Variants in SRPK2 observed in about 807,000 individuals in gnomAD.
SRPK2 encodes SFRS protein kinase 2.
SRPK2 carries 21 observed loss-of-function variants against 90.8 expected under a neutral mutation model. That is an observed-to-expected ratio of 0.23 (90% confidence interval 0.16 to 0.33). The LOEUF (loss-of-function observed/expected upper bound fraction) is 0.33, where lower values mean the gene tolerates loss of function less well. Among genes scored for constraint, SRPK2 ranks in the 10% least tolerant of loss-of-function variants. The pLI is 1.00. For missense variants in SRPK2, 620 were observed against 869.0 expected, an observed-to-expected ratio of 0.71 and a Z score of 3.60; for synonymous variants, 288 against 311.1, an observed-to-expected ratio of 0.93 and a Z score of 0.78.
intron 11 of SRPK2, among the ~76,000 whole-genome samples, chr7:105,140,174 C>T (rs1236038915): frequency 6.6e-6 from 1 of 152,178 alleles, no homozygotes; most frequent in African/African-American, 2.4e-5. Context: ...TCCCCTCCAA[C>T]TATTTCCCAC....
At chr7:105,128,170 T>TA (rs1801476178) in intron 13 of SRPK2, among the ~76,000 whole-genome samples, 2 of 152,024 alleles carry the variant, frequency 1.3e-5, no homozygotes, top group East Asian at 1.9e-4. Flanking sequence ...TTCACCTTTT[T>TA]TAAAAAAAAA....
chr7:105,261,580 T>C (rs1353095904), intron 2 of SRPK2, among the ~76,000 whole-genome samples: 3 of 151,974 alleles, frequency 2.0e-5, no homozygotes, highest in Non-Finnish European at 2.9e-5. Flanking sequence ...CCTTGACAGT[T>C]TGTAACAAAA....
At chr7:105,398,166 A>G (rs1050478671) in intron 1 of SRPK2, among the ~76,000 whole-genome samples, 1 of 152,158 alleles carries the variant, frequency 6.6e-6, no homozygotes, top group African/African-American at 2.4e-5. Flanking sequence ...ATCTGTTACA[A>G]TGAAACTCAA....
chr7:105,290,197 C>CAAAAAAAAAAAAAAAAA (rs56311004), intron 2 of SRPK2, among the ~76,000 whole-genome samples: 1 of 133,830 alleles, frequency 7.5e-6, no homozygotes. Context: ...ACAGGCTCTT[C>CAAAAAAAAAAAAAAAAA]AAAAAAAAAA....
At chr7:105,395,265 G>A (rs1822290805) in intron 1 of SRPK2, among the ~76,000 whole-genome samples, 1 of 151,948 alleles carries the variant, frequency 6.6e-6, no homozygotes, top group Non-Finnish European at 1.5e-5. Context: ...CAAAGCAAGA[G>A]GATTGCTTGA....
At chr7:105,355,836 T>C (rs1817721737) in intron 2 of SRPK2, among the ~76,000 whole-genome samples, 1 of 151,758 alleles carries the variant, frequency 6.6e-6, no homozygotes, top group African/African-American at 2.4e-5. Context: ...TCCCTTGAGG[T>C]CAGGAGTTTT....
intron 7 of SRPK2, among the ~76,000 whole-genome samples, chr7:105,156,680 G>C (rs1806546071): frequency 6.6e-6 from 1 of 151,982 alleles, no homozygotes; most frequent in Admixed American, 6.6e-5. Context: ...TTTAAATTTT[G>C]TTTGGTAGAG....
Position 105,133,048 on chromosome 7 carries a change from T to C in SRPK2, c.1600A>G (p.Lys534Glu). Residue 534 changes from lysine (K) to glutamate (E), a missense_variant, in exon 12 of 16, where the codon AAA (lysine) becomes GAA (glutamate). Around this residue, in one of 8 missense-constraint regions of SRPK2, gnomAD observed 20 missense variants for 54.3 expected, o/e 0.37. Coordinates refer to ENST00000393651, the MANE Select transcript of SRPK2 (RefSeq NM_182692.3). ...VNPLDPRNAD[K>E]IRVKIADLGN... is the part of the protein sequence containing the mutation. ...AGGTCAGCAATTTTTACTCTAATTT[T>C]ATCTGCATTCCGCGGATCCAGGGGA... The C allele has an allele frequency of 6.2e-7, 1 of 1,614,220 alleles. No individual in the cohort carries two copies. Among genetic ancestry groups the C allele is most frequent in the Non-Finnish European group, 8.5e-7 (1 of 1,180,030 alleles).
At chr7:105,326,550 A>G (rs960098382) in intron 2 of SRPK2, among the ~76,000 whole-genome samples, 2 of 152,176 alleles carry the variant, frequency 1.3e-5, no homozygotes, top group Admixed American at 6.5e-5. Context: ...AATACTATCA[A>G]TTATGCCATT....
At chr7:105,138,155 A>G (rs899540406) in intron 11 of SRPK2, among the ~76,000 whole-genome samples, 2 of 152,242 alleles carry the variant, frequency 1.3e-5, no homozygotes, top group Non-Finnish European at 2.9e-5. Context: ...AGCGGGAGAA[A>G]GGAAAGAGAA....
At chr7:105,129,660 T>C (rs1801722623) in intron 13 of SRPK2, among the ~76,000 whole-genome samples, 1 of 152,160 alleles carries the variant, frequency 6.6e-6, no homozygotes. Flanking sequence ...CAGGTGTGCA[T>C]CACCTCGCTG....
intron 2 of SRPK2, among the ~76,000 whole-genome samples, chr7:105,208,776 T>C (rs1338628538): frequency 6.6e-6 from 1 of 152,194 alleles, no homozygotes; most frequent in Non-Finnish European, 1.5e-5. Flanking sequence ...ATATATATGT[T>C]ACATGAGCAA....
chr7:105,281,667 GTAAAAA>G (rs1017591602), intron 2 of SRPK2, among the ~76,000 whole-genome samples: 1 of 107,030 alleles, frequency 9.3e-6, no homozygotes, highest in Non-Finnish European at 2.0e-5. Flanking sequence ...TGTTGCTAAG[GTAAAAA>G]AAAAAAAAAG....
chr7:105,345,800 C>T (rs898695589), intron 2 of SRPK2, among the ~76,000 whole-genome samples: 5 of 152,320 alleles, frequency 3.3e-5, no homozygotes, highest in South Asian at 4.1e-4. Flanking sequence ...TAGCCATCAG[C>T]CCCATGTAGC....
intron 2 of SRPK2, among the ~76,000 whole-genome samples, chr7:105,289,787 G>T (rs1226342520): frequency 6.6e-6 from 1 of 151,938 alleles, no homozygotes; most frequent in African/African-American, 2.4e-5. Context: ...GTCATAAGAG[G>T]TCTAGCTTTC....
Position 105,277,227 on chromosome 7 carries a change from C to T in SRPK2, c.72-73442G>A, listed in dbSNP as rs544631958. On this transcript the variant is annotated intron_variant, in intron 2 of 15. Transcript: ENST00000393651. ...GAGTAGCTGGGACTACAGGCGCCCA[C>T]TACCACGTCCGGCTAATTTTTTGTA... is the stretch of plus-strand genomic sequence containing the variant. 1.2e-3 allele frequency among the ~76,000 whole-genome samples: 180 copies of T among 152,216 alleles called. 1 individual carries two copies. The highest frequency in any genetic ancestry group is 4.2e-3 in the African/African-American group (173 of 41,530).
At chr7:105,143,400 G>T in intron 9 of SRPK2, 70 bp from the exon 10 acceptor site, 1 of 1,541,408 alleles carries the variant, frequency 6.5e-7, no homozygotes, top group South Asian at 1.2e-5. Context: ...ACGACTAGCA[G>T]CATGGCAAAT....
intron 2 of SRPK2, among the ~76,000 whole-genome samples, chr7:105,342,953 G>A (rs1267001303): frequency 6.6e-6 from 1 of 152,184 alleles, no homozygotes; most frequent in Admixed American, 6.5e-5. Flanking sequence ...CATAAAAAAT[G>A]TGCTAAGGGC....
At chr7:105,184,569 A>G (rs1793328016) in intron 3 of SRPK2, among the ~76,000 whole-genome samples, 1 of 152,224 alleles carries the variant, frequency 6.6e-6, no homozygotes, top group African/African-American at 2.4e-5. Flanking sequence ...GTATGTCTAT[A>G]CAGGCCTCTT....
Sources: allele counts gnomAD v4.1 joint callset (sites outside exome capture counted in the v4.1 genomes callset), GRCh38; gene constraint gnomAD v4.1.1; regional missense constraint gnomAD v4.1.1; transcripts MANE v1.5; gene names NCBI Gene and HGNC (gene_info 2026-07-23, HGNC 2026-07-21).